Variants in TRIM39 observed in about 807,000 individuals in gnomAD.
TRIM39 encodes tripartite motif containing 39.
In TRIM39, 5 loss-of-function variants were observed where a neutral mutation model predicts 53.6. The ratio of observed to expected loss-of-function variants is 0.09; its 90% CI spans 0.05 to 0.20. The LOEUF is 0.20. Among genes scored for constraint, TRIM39 ranks in the 10% least tolerant of loss-of-function variants. The pLI, the probability that TRIM39 is intolerant of heterozygous loss-of-function variation, is 1.00. For synonymous variants in TRIM39, 196 were observed against 237.6 expected (o/e 0.82, Z 1.61); for missense variants, 310 against 621.0 (o/e 0.50, Z 5.32).
chr6:30,336,687 T>C (rs1786901379), intron 5 of TRIM39, among the ~76,000 whole-genome samples: 1 of 152,240 alleles, frequency 6.6e-6, no homozygotes. Context: ...AACCCACATT[T>C]GCAGTTACTT....
exon 8 of TRIM39, chr6:30,341,939 T>A (rs1787599789): frequency 6.2e-7 from 1 of 1,612,988 alleles, no homozygotes; most frequent in South Asian, 1.1e-5. Flanking sequence ...ATGCCGGGAC[T>A]CCGTGAGCCG....
intron 2 of TRIM39, 87 bp downstream of exon 2, chr6:30,329,128 G>A (rs1394490792): frequency 1.4e-6 from 1 of 721,974 alleles, no homozygotes; most frequent in Non-Finnish European, 2.1e-6. Flanking sequence ...CACAAGTTTT[G>A]AAAATGGAGA....
At chr6:30,328,374 CAA>C (rs1458685543) in intron 1 of TRIM39, among the ~76,000 whole-genome samples, 4 of 152,286 alleles carry the variant, frequency 2.6e-5, no homozygotes, top group East Asian at 3.9e-4. Context: ...CAGATGAACA[CAA>C]GAGAAATGGA....
intron 5 of TRIM39, among the ~76,000 whole-genome samples, chr6:30,337,953 C>T (rs546812478): frequency 3.3e-5 from 5 of 152,356 alleles, no homozygotes; most frequent in East Asian, 3.9e-4. Flanking sequence ...CTTCTCCTTG[C>T]ACATTTTTGT....
At chr6:30,329,208 C>G (rs1785813225) in intron 2 of TRIM39, 103 bp from the exon 3 acceptor site, 8 of 1,344,918 alleles carry the variant, frequency 5.9e-6, no homozygotes, top group Admixed American at 2.3e-5. Context: ...GGAGTTAGGA[C>G]TTAACATAGG....
chr6:30,341,411 A>G (rs868475163), intron 7 of TRIM39: 46 of 663,050 alleles, frequency 6.9e-5, no homozygotes, highest in African/African-American at 6.2e-4. Context: ...ACTTCTCTAC[A>G]TAGTGAGATA....
intron 3 of TRIM39, 90 bp from the exon 4 acceptor site, chr6:30,330,691 A>G (rs1786038353): frequency 2.2e-6 from 3 of 1,382,962 alleles, no homozygotes; most frequent in South Asian, 2.6e-5. Context: ...AAGCAAATAA[A>G]TGGTTTAAAA....
chr6:30,340,179 T>A, intron 6 of TRIM39: 1 of 1,192,790 alleles, frequency 8.4e-7, no homozygotes, highest in Non-Finnish European at 1.2e-6. Context: ...AGATTCTACT[T>A]GTGCCAGTGG....
At position 30,339,077 on chromosome 6, in the gene TRIM39, ATTTGTCTTC is replaced by A. The variant is rs894898890; in HGVS notation, c.781-820_781-812del. ...ACTGGGAAATCCTTGTGGGACAGAG[ATTTGTCTTC>A]TTTGTCTTCTGGACCCCAAGTATTC... is the stretch of plus-strand genomic sequence containing the variant. On this transcript the variant is annotated intron_variant, in intron 5 of 7. Transcript: ENST00000396551. The surrounding 1 kb of genome is among the most constrained non-coding windows in gnomAD (Gnocchi z 4.2). Among the ~76,000 whole-genome samples the A allele has an allele frequency of 6.6e-6, 1 of 151,516 alleles. No individual in the cohort carries two copies. Among genetic ancestry groups the A allele is most frequent in the African/African-American group, 2.4e-5 (1 of 41,216 alleles).
chr6:30,337,308 G>C (rs903237490), intron 5 of TRIM39, among the ~76,000 whole-genome samples: 1 of 151,536 alleles, frequency 6.6e-6, no homozygotes, highest in Non-Finnish European at 1.5e-5. Context: ...GGGAGGCTGA[G>C]GGAGGAGAAT....
chr6:30,332,356 G>C (rs1005291959), intron 4 of TRIM39, among the ~76,000 whole-genome samples: 15 of 152,180 alleles, frequency 9.9e-5, no homozygotes, highest in Admixed American at 9.2e-4. Flanking sequence ...TTCATAAGAA[G>C]ACAACATAGA....
At chr6:30,341,686 C>T in intron 7 of TRIM39, 26 bp from the exon 8 acceptor site, 1 of 1,595,096 alleles carries the variant, frequency 6.3e-7, no homozygotes, top group Admixed American at 1.7e-5. Flanking sequence ...CCTCATCTAG[C>T]TCCCCACTCT....
Position 30,342,298 on chromosome 6 carries a change from C to A in TRIM39, c.*39C>A. On this transcript the variant is annotated 3_prime_UTR_variant, in exon 8 of 8. Coordinates refer to ENST00000396551, the Ensembl canonical transcript of TRIM39. The surrounding 1 kb of genome is among the most constrained non-coding windows in gnomAD (Gnocchi z 4.7). ...GGGAATGACTGGGGTGAGGCAGGGT[C>A]AAGTGCTACGGGCCTCCTTCCCGTG... 1 of 1,596,734 alleles carries A rather than the reference C, an allele frequency of 6.3e-7. No homozygotes were observed.
Position 30,335,163 on chromosome 6 carries a change from G to T in TRIM39, c.550-582G>T, listed in dbSNP as rs528801240. ...TAAATTAAAACAAATATATATATCC[G>T]CAGTGGTCTTCACTACCAAGTCATC... On this transcript the variant is annotated intron_variant, in intron 4 of 7. Transcript: ENST00000396551. The surrounding 1 kb of genome is among the most constrained non-coding windows in gnomAD (Gnocchi z 4.7). Among the ~76,000 whole-genome samples the T allele has an allele frequency of 2.8e-4, 42 of 152,138 alleles. 1 individual carries two copies. In the South Asian group the frequency reaches 6.0e-3, roughly 22 times the overall value.
exon 1 of TRIM39, chr6:30,326,852 C>A: frequency 6.5e-6 from 1 of 152,834 alleles, no homozygotes; most frequent in Non-Finnish European, 1.5e-5. Context: ...ACCCCAGCTT[C>A]CACTGACACG....
intron 5 of TRIM39, 47 bp downstream of exon 5, chr6:30,336,022 G>C (rs757055103): frequency 1.3e-4 from 207 of 1,607,498 alleles, no homozygotes; most frequent in Non-Finnish European, 1.7e-4. Context: ...GTGCAGCGTA[G>C]CTTTGCGTAG....
intron 5 of TRIM39, among the ~76,000 whole-genome samples, chr6:30,336,587 A>C (rs1419607552): frequency 6.6e-6 from 1 of 152,092 alleles, no homozygotes; most frequent in Non-Finnish European, 1.5e-5. Context: ...TTTACTTTCA[A>C]CTCTTCCTTT....
At chr6:30,336,169 C>G in intron 5 of TRIM39, 194 bp downstream of exon 5, 1 of 820,582 alleles carries the variant, frequency 1.2e-6, no homozygotes. Flanking sequence ...TTTTTGTGTT[C>G]TTATCTCTGG....
chr6:30,329,229 G>A (rs565537049), intron 2 of TRIM39, 82 bp from the exon 3 acceptor site: 207 of 1,439,354 alleles, frequency 1.4e-4, no homozygotes, highest in Non-Finnish European at 1.8e-4. Flanking sequence ...GATAAATGTC[G>A]GGTCAGGGAT....
Sources: allele counts gnomAD v4.1 joint callset (sites outside exome capture counted in the v4.1 genomes callset), GRCh38; gene constraint gnomAD v4.1.1; non-coding constraint Gnocchi (gnomAD v3.1); transcripts MANE v1.5; gene names NCBI Gene and HGNC (gene_info 2026-07-23, HGNC 2026-07-21).